Variants in FTCD observed in about 807,000 individuals in gnomAD.
FTCD encodes formimidoyltransferase cyclodeaminase.
In FTCD, 76 loss-of-function variants were observed where a neutral mutation model predicts 62.9. The ratio of observed to expected loss-of-function variants is 1.21; its 90% CI spans 1.00 to 1.46. FTCD has a LOEUF of 1.46. Ranked by LOEUF, FTCD falls within the 40% of genes most tolerant of loss-of-function variation. FTCD has a pLI of 0.00. For synonymous variants in FTCD, 397 were observed against 336.9 expected, an observed-to-expected ratio of 1.18 and a Z score of -1.95; for missense variants, 845 against 751.3, an observed-to-expected ratio of 1.12 and a Z score of -1.46.
At chr21:46,138,221 G>T (rs748166678) in intron 12 of FTCD, among the ~76,000 whole-genome samples, 1 of 152,224 alleles carries the variant, frequency 6.6e-6, no homozygotes, top group Non-Finnish European at 1.5e-5. Flanking sequence ...ACAAGACAGT[G>T]GGGGTGATAC....
chr21:46,154,360 TCA>T (rs1453115158), intron 1 of FTCD, 28 bp from the exon 2 acceptor site: 2 of 1,598,636 alleles, frequency 1.3e-6, no homozygotes, highest in Admixed American at 3.4e-5. Context: ...CCCCCACACC[TCA>T]GTCTCCCCGT....
Position 46,151,964 on chromosome 21 carries a change from C to T in FTCD, c.384G>A (p.Glu128=), listed in dbSNP as rs968390993. Residue 128 remains glutamate (E), a synonymous_variant, in exon 4 of 14, where the codon GAG becomes GAA. Coordinates refer to ENST00000397746, the MANE Select transcript of FTCD (RefSeq NM_206965.2). ...ELDVPVYLYG[E]AARMDSRRTL... ...TCCGGCGACTGTCCATCCTGGCTGC[C>T]TCGCCGTACAGGTAAACTGCAGGAG... 10 of 1,567,444 alleles carry T rather than the reference C, an allele frequency of 6.4e-6. No homozygotes were observed. The African/African-American group carries it at 9.5e-5, about 15-fold the overall frequency.
Position 46,145,415 on chromosome 21 carries a change from A to C in FTCD, c.1260+2T>G, listed in dbSNP as rs2079115855. 6.5e-7 allele frequency: 1 copy of C among 1,545,202 alleles called. No homozygotes were observed. The highest frequency in any genetic ancestry group is 1.4e-5 in the African/African-American group (1 of 73,118). Reference sequence around the variant, plus strand: ...GGGAGCCCTGCTGTGGCCGCCACTCACCAGGTAGGCGGTGAAGGCCTCGGC... The same window carrying C: ...GGGAGCCCTGCTGTGGCCGCCACTCCCCAGGTAGGCGGTGAAGGCCTCGGC... On this transcript the variant is annotated splice_donor_variant, in intron 10 of 13. Coordinates refer to ENST00000397746, the MANE Select transcript of FTCD (RefSeq NM_206965.2). LOFTEE classifies it high-confidence loss of function.
chr21:46,140,440 A>T (rs1268477540), intron 10 of FTCD, among the ~76,000 whole-genome samples: 53 of 143,890 alleles, frequency 3.7e-4, no homozygotes, highest in Admixed American at 8.2e-4. Flanking sequence ...GCTCACAGGG[A>T]GTGTAAACCA....
Position 46,150,537 on chromosome 21 carries a change from G to A in FTCD, c.637-12C>T. ...TTCAGACGTCCTGGCTGCAAAGGAA[G>A]AGCGTTCCCCAGCCTGGACTAGGAA... On this transcript the variant is annotated splice_polypyrimidine_tract_variant and intron_variant, in intron 5 of 13. Coordinates refer to ENST00000397746, the MANE Select transcript of FTCD (RefSeq NM_206965.2). 2 of 1,613,022 alleles carry A rather than the reference G, an allele frequency of 1.2e-6. No homozygotes were observed. Among genetic ancestry groups the A allele is most frequent in the South Asian group, 2.2e-5 (2 of 91,084 alleles).
intron 1 of FTCD, among the ~76,000 whole-genome samples, chr21:46,155,178 T>C (rs1057126673): frequency 3.3e-5 from 5 of 152,098 alleles, no homozygotes; most frequent in African/African-American, 9.7e-5. Flanking sequence ...ACCAAGGCCC[T>C]TTGAGGCCCA....
intron 7 of FTCD, chr21:46,146,627 ACTG>A: frequency 1.9e-6 from 1 of 526,944 alleles, no homozygotes; most frequent in East Asian, 3.2e-5. Context: ...CCCTCAGCAA[ACTG>A]CTGCTCATGC....
intron 13 of FTCD, 79 bp downstream of exon 13, chr21:46,137,160 A>G (rs9284510): frequency 0.95 from 1,517,036 of 1,588,716 alleles, 724,612 homozygotes; most frequent in East Asian, 1. Flanking sequence ...CACTGCCCAC[A>G]GCCAGTCGGC....
Position 46,154,198 on chromosome 21 carries a change from G to A in FTCD, c.189C>T (p.Leu63=). 6.2e-7 allele frequency: 1 copy of A among 1,612,814 alleles called. No individual in the cohort carries two copies. Among genetic ancestry groups the A allele is most frequent in the Non-Finnish European group, 8.5e-7 (1 of 1,179,980 alleles). Reference sequence around the variant, plus strand: ...GTCGGGAAGCTACCCGGGCAGCGTTGAGGGCCCCCTCCACCACGCACTCCG... The same window carrying A: ...GTCGGGAAGCTACCCGGGCAGCGTTAAGGGCCCCCTCCACCACGCACTCCG... ...GPPECVVEGA[L]NAARVASRLI... is the part of the protein sequence containing the mutation. Residue 63 remains leucine (L), a synonymous_variant, in exon 2 of 14, where the codon CTC becomes CTT. Coordinates refer to ENST00000397746, the MANE Select transcript of FTCD (RefSeq NM_206965.2).
chr21:46,151,416 G>A, intron 5 of FTCD, 142 bp downstream of exon 5: 1 of 767,322 alleles, frequency 1.3e-6, no homozygotes, highest in Non-Finnish European at 2.2e-6. Context: ...GGACGCGGAG[G>A]CTGGGCCGGT....
chr21:46,143,860 A>AGGGCCCACCCGC (rs1037341727), intron 10 of FTCD, among the ~76,000 whole-genome samples: 1 of 152,162 alleles, frequency 6.6e-6, no homozygotes, highest in Non-Finnish European at 1.5e-5. Flanking sequence ...CCTCTTGTAA[A>AGGGCCCACCCGC]GGGCCCACCC....
intron 10 of FTCD, among the ~76,000 whole-genome samples, chr21:46,139,452 C>T (rs1225718188): frequency 6.6e-6 from 1 of 152,178 alleles, no homozygotes; most frequent in Non-Finnish European, 1.5e-5. Flanking sequence ...GGACCCACCC[C>T]GTGTGGAAGA....
At position 46,145,597 on chromosome 21, in the gene FTCD, T is replaced by G. The variant is rs1568973120; in HGVS notation, c.1099-19A>C. 5.2e-6 allele frequency: 8 copies of G among 1,524,516 alleles called. 1 individual carries two copies. In the South Asian group the frequency reaches 9.6e-5, roughly 18 times the overall value. The allele number at this position is 1,524,516 out of a possible 1,614,324, so 94.4% of individuals were successfully genotyped here. A position where few individuals can be genotyped will look rare whatever the true frequency, so the allele number is the denominator to read the frequency against. On this transcript the variant is annotated intron_variant, in intron 9 of 13. Transcript: ENST00000397746. ...CCGCACCCTGCGAGAGGGGTGGATG[T>G]GGGGGTCGCAGGGACCCCAGACGGC...
At chr21:46,152,793 C>T (rs1230466170) in intron 3 of FTCD, 114 bp downstream of exon 3, 4 of 879,456 alleles carry the variant, frequency 4.5e-6, no homozygotes, top group Admixed American at 3.0e-5. Flanking sequence ...CTTTTTGGAA[C>T]ACTCTGCCCT....
chr21:46,148,572 T>C (rs767550655), intron 7 of FTCD, among the ~76,000 whole-genome samples: 4 of 152,200 alleles, frequency 2.6e-5, no homozygotes, highest in Non-Finnish European at 5.9e-5. Context: ...TGAGCTGTGA[T>C]TGTGCCACTG....
intron 10 of FTCD, among the ~76,000 whole-genome samples, chr21:46,144,379 CCTCTCT>C (rs1406948711): frequency 2.2e-5 from 3 of 139,270 alleles, no homozygotes; most frequent in African/African-American, 5.5e-5. Context: ...CCCCTCTCTC[CCTCTCT>C]CTCCCTCCCT....
intron 7 of FTCD, among the ~76,000 whole-genome samples, chr21:46,147,453 C>A (rs562690986): frequency 6.6e-6 from 1 of 152,312 alleles, no homozygotes; most frequent in East Asian, 1.9e-4. Context: ...CCAGCACAAA[C>A]CCTCCTTGGA....
At chr21:46,154,026 C>T (rs2079368419) in intron 2 of FTCD, 123 bp downstream of exon 2, 12 of 984,136 alleles carry the variant, frequency 1.2e-5, no homozygotes, top group Non-Finnish European at 1.6e-5. Flanking sequence ...CCAGAGCCAG[C>T]CCCACTGGAC....
chr21:46,150,012 G>A, intron 7 of FTCD, 107 bp downstream of exon 7: 1 of 1,029,718 alleles, frequency 9.7e-7, no homozygotes, highest in South Asian at 1.4e-5. Context: ...TAAAATGAAG[G>A]GGGAGGAGGG....
Sources: gnomAD v4.1 joint callset for allele counts (sites outside exome capture counted in the v4.1 genomes callset) on GRCh38, gnomAD v4.1.1 for gene constraint, MANE v1.5 for transcripts, NCBI Gene and HGNC (gene_info 2026-07-23, HGNC 2026-07-21) for gene names.